LRP1B: variants seen among roughly 807,000 people sequenced by gnomAD.
LRP1B encodes low-density lipoprotein receptor-related protein 1B.
A neutral mutation model predicts 556.6 loss-of-function variants in LRP1B; 217 were observed. The ratio of observed to expected loss-of-function variants is 0.39; its 90% CI spans 0.35 to 0.44. The LOEUF (loss-of-function observed/expected upper bound fraction) is 0.44. Among genes scored for constraint, LRP1B ranks in the 20% least tolerant of loss-of-function variants. The probability of loss-of-function intolerance (pLI) is 1.00; values close to 1 mark genes in which losing one functional copy is unlikely to be tolerated. For synonymous variants in LRP1B, 2,047 were observed against 1,865.8 expected (o/e 1.10, Z -2.50); for missense variants, 5,053 against 5,620.8 (o/e 0.90, Z 3.23).
chr2:140,475,243 A>C lies in LRP1B; in HGVS notation c.9520T>G (p.Ser3174Ala), dbSNP rs772461907. 4 of 1,612,178 alleles carry C rather than the reference A, an allele frequency of 2.5e-6. No homozygotes were observed. Among genetic ancestry groups the C allele is most frequent in the Non-Finnish European group, 3.4e-6 (4 of 1,178,828 alleles). Reference protein sequence around the residue: ...NQSVVIETKISRPMALTIDYV... With the variant: ...NQSVVIETKIARPMALTIDYV... ...TCTATTGTTAGTGCCATAGGTCTAG[A>C]AATCTTGGTTTCTATGACAACACTC... The change falls in exon 60 of 91, where the codon TCT becomes GCT. Residue 3174 changes from serine to alanine, a missense_variant. This residue lies in a region of LRP1B where 3,619 missense variants were observed against 3,931.9 expected (regional missense o/e 0.92). Transcript: ENST00000389484.
At chr2:142,005,629 A>C (rs184397726) in intron 1 of LRP1B, among the ~76,000 whole-genome samples, 95 of 152,344 alleles carry the variant, frequency 6.2e-4, no homozygotes, top group Admixed American at 6.1e-3. Flanking sequence ...GAATTAATAA[A>C]TGTGAATCTC....
At chr2:140,723,721 T>C (rs1177637953) in intron 35 of LRP1B, among the ~76,000 whole-genome samples, 1 of 152,214 alleles carries the variant, frequency 6.6e-6, no homozygotes, top group Non-Finnish European at 1.5e-5. Flanking sequence ...GAAACAAGTT[T>C]TATCTGCACT....
At chr2:140,498,770 T>C (rs936867341) in intron 55 of LRP1B, among the ~76,000 whole-genome samples, 4 of 151,870 alleles carry the variant, frequency 2.6e-5, no homozygotes, top group African/African-American at 9.7e-5. Context: ...ATATATGACA[T>C]ATATTTGTGT....
intron 4 of LRP1B, among the ~76,000 whole-genome samples, chr2:141,251,932 C>G (rs989901134): frequency 2.6e-5 from 4 of 152,108 alleles, no homozygotes; most frequent in Non-Finnish European, 4.4e-5. Flanking sequence ...ATTCTACAAT[C>G]ATAGGGATCT....
At chr2:141,215,277 C>T (rs1682751679) in intron 6 of LRP1B, among the ~76,000 whole-genome samples, 2 of 152,166 alleles carry the variant, frequency 1.3e-5, no homozygotes, top group African/African-American at 2.4e-5. Context: ...AGCAGATGCT[C>T]GCATTATGCT....
intron 1 of LRP1B, among the ~76,000 whole-genome samples, chr2:142,066,128 G>T (rs1358363311): frequency 6.6e-6 from 1 of 151,546 alleles, no homozygotes; most frequent in Non-Finnish European, 1.5e-5. Context: ...TGAGTATTCT[G>T]ACCTTTTGAT....
At chr2:141,808,818 A>G (rs1696246317) in intron 2 of LRP1B, among the ~76,000 whole-genome samples, 1 of 152,054 alleles carries the variant, frequency 6.6e-6, no homozygotes, top group Non-Finnish European at 1.5e-5. Context: ...CCTATTTTGC[A>G]TCTTGTATAA....
intron 41 of LRP1B, among the ~76,000 whole-genome samples, chr2:140,671,436 T>G (rs1685480323): frequency 6.6e-6 from 1 of 152,082 alleles, no homozygotes; most frequent in South Asian, 2.1e-4. Flanking sequence ...CAGGAGAATG[T>G]CGTGAATCCG....
At chr2:141,603,662 G>A (rs1477931393) in intron 2 of LRP1B, among the ~76,000 whole-genome samples, 1 of 152,064 alleles carries the variant, frequency 6.6e-6, no homozygotes, top group Non-Finnish European at 1.5e-5. Flanking sequence ...TCATATTTGA[G>A]GCTTTTAAGT....
chr2:141,521,629 T>C (rs1304618903), intron 2 of LRP1B, among the ~76,000 whole-genome samples: 1 of 152,052 alleles, frequency 6.6e-6, no homozygotes, highest in Non-Finnish European at 1.5e-5. Context: ...TAGTTATATA[T>C]GTAATTGATT....
intron 41 of LRP1B, among the ~76,000 whole-genome samples, chr2:140,675,712 G>A (rs1304543577): frequency 6.6e-6 from 1 of 152,144 alleles, no homozygotes; most frequent in East Asian, 1.9e-4. Flanking sequence ...AGGAGTTTGA[G>A]GTTGCAGTGC....
rs571359552 is a variant in LRP1B, at chr2:140,539,547, T to G, written c.7513+1426A>C. ...CAGAGAGAAGCTTAGTAGGGACAGT[T>G]GTATTGAAGGTATTATGCAGCAAGG... is the stretch of plus-strand genomic sequence containing the variant. On this transcript the variant is annotated intron_variant, in intron 45 of 90. Coordinates refer to ENST00000389484, the MANE Select transcript of LRP1B (RefSeq NM_018557.3). Among the ~76,000 whole-genome samples the G allele has an allele frequency of 3.3e-5, 5 of 152,204 alleles. No individual in the cohort carries two copies. In the South Asian group the frequency reaches 1.0e-3, roughly 32 times the overall value.
intron 50 of LRP1B, among the ~76,000 whole-genome samples, chr2:140,515,196 G>C (rs1465480230): frequency 2.6e-5 from 4 of 151,948 alleles, no homozygotes; most frequent in African/African-American, 9.7e-5. Flanking sequence ...CAATATGGTG[G>C]ACTAATCAGC....
intron 89 of LRP1B, among the ~76,000 whole-genome samples, chr2:140,235,982 G>C (rs1680681554): frequency 6.6e-6 from 1 of 150,894 alleles, no homozygotes; most frequent in Non-Finnish European, 1.5e-5. Flanking sequence ...TGTAAAATAT[G>C]TATCATGTCT....
intron 7 of LRP1B, among the ~76,000 whole-genome samples, chr2:141,124,681 GA>G (rs1023921903): frequency 6.3e-4 from 82 of 131,014 alleles, no homozygotes; most frequent in African/African-American, 2.0e-3. Flanking sequence ...AAAAAAAAAA[GA>G]AAAAAATACT....
intron 2 of LRP1B, among the ~76,000 whole-genome samples, chr2:141,795,621 T>C (rs999882412): frequency 2.6e-5 from 4 of 151,888 alleles, no homozygotes; most frequent in Non-Finnish European, 5.9e-5. Context: ...CATGTACAAA[T>C]TGGAAAGAAC....
intron 1 of LRP1B, among the ~76,000 whole-genome samples, chr2:142,081,259 A>C (rs547345468): frequency 6.6e-6 from 1 of 152,208 alleles, no homozygotes; most frequent in Non-Finnish European, 1.5e-5. Context: ...AGGAAAAAAT[A>C]TTTTGTGAAA....
At chr2:140,274,651 C>T (rs76176617) in intron 84 of LRP1B, 53 bp from the exon 85 acceptor site, 161,313 of 1,482,190 alleles carry the variant, frequency 0.11, 9,618 homozygotes, top group Middle Eastern at 0.13. Flanking sequence ...GGACATTTTT[C>T]TTCAGTCATA....
intron 6 of LRP1B, among the ~76,000 whole-genome samples, chr2:141,204,264 A>G (rs1449573013): frequency 6.6e-6 from 1 of 152,206 alleles, no homozygotes; most frequent in African/African-American, 2.4e-5. Flanking sequence ...TTTTTCAAGA[A>G]TCAAGTCCAA....
Sources: gnomAD v4.1 joint callset for allele counts (sites outside exome capture counted in the v4.1 genomes callset) on GRCh38, gnomAD v4.1.1 for gene constraint, gnomAD v4.1.1 regional missense constraint, MANE v1.5 for transcripts, NCBI Gene and HGNC (gene_info 2026-07-23, HGNC 2026-07-21) for gene names.